PIH1D2: variants seen among roughly 807,000 people sequenced by gnomAD.
The protein encoded by PIH1D2 is PIH1 domain containing 2.
Under a neutral mutation model 31.2 loss-of-function variants are expected in PIH1D2, and 25 were observed. The observed-to-expected ratio is 0.80, with a 90% CI of 0.58 to 1.12. The LOEUF (loss-of-function observed/expected upper bound fraction) is 1.12. PIH1D2 is among the 50% of genes most tolerant of loss of function. The pLI is 0.00. For missense variants in PIH1D2, 310 were observed against 356.6 expected, an observed-to-expected ratio of 0.87 and a Z score of 1.05; for synonymous variants, 116 against 119.9, an observed-to-expected ratio of 0.97 and a Z score of 0.21.
downstream of PIH1D2, among the ~76,000 whole-genome samples, chr11:112,058,817 C>A (rs1309067459): frequency 6.6e-6 from 1 of 151,928 alleles, no homozygotes; most frequent in Admixed American, 6.6e-5. Flanking sequence ...AAAATGATAG[C>A]CATTATTAGA....
chr11:112,055,180 G>A, the PIH1D2 span, among the ~76,000 whole-genome samples: 1 of 151,526 alleles, frequency 6.6e-6, no homozygotes, highest in African/African-American at 2.4e-5. Context: ...TCTGGAGCCT[G>A]GCAGAAATGG....
At chr11:112,068,998 GTTT>G (rs1250203455) in intron 5 of PIH1D2, among the ~76,000 whole-genome samples, 1 of 79,346 alleles carries the variant, frequency 1.3e-5, no homozygotes. Context: ...TTTTTTTTTT[GTTT>G]TTTTTTTTTT....
chr11:112,066,570 G>A (rs1375112296), downstream of PIH1D2, among the ~76,000 whole-genome samples: 4 of 151,866 alleles, frequency 2.6e-5, no homozygotes, highest in African/African-American at 9.7e-5. Flanking sequence ...CCCAGGAGGT[G>A]GAGGTTTCAG....
Position 112,070,449 on chromosome 11 carries a change from A to C in PIH1D2, c.800T>G (p.Leu267Arg). ...TATTCAACTTACCTCAGAAACACTA[A>C]GGTCACAGAGAGAGACAGAATTAAT... ...PGINSVSLCD[L>R]SVSEDDLLIE... The change falls in exon 5 of 6, where the codon CTT becomes CGT. Residue 267 changes from leucine to arginine, a missense_variant. Leu to Arg is a moderately radical substitution (Grantham distance 102). Transcript: ENST00000280350. 6.2e-7 allele frequency: 1 copy of C among 1,613,896 alleles called. No individual in the cohort carries two copies. Among genetic ancestry groups the C allele is most frequent in the Non-Finnish European group, 8.5e-7 (1 of 1,179,846 alleles).
intron 4 of PIH1D2, 23 bp downstream of exon 4, chr11:112,071,015 T>G (rs924664435): frequency 6.2e-7 from 1 of 1,600,700 alleles, no homozygotes; most frequent in Non-Finnish European, 8.5e-7. Flanking sequence ...AGTTTAATTT[T>G]CCATTTACAA....
chr11:112,073,300 G>T, intron 1 of PIH1D2, 95 bp from the exon 2 acceptor site: 1 of 841,054 alleles, frequency 1.2e-6, no homozygotes, highest in Non-Finnish European at 1.8e-6. Flanking sequence ...AATTGTTTTG[G>T]TGAAGTTAGG....
At chr11:112,060,624 TTG>T (rs1160362957), downstream of PIH1D2, among the ~76,000 whole-genome samples, 2 of 151,586 alleles carry the variant, frequency 1.3e-5, no homozygotes, top group South Asian at 2.1e-4. Flanking sequence ...CTGACTAATT[TTG>T]TGTGTGTGTG....
downstream of PIH1D2, among the ~76,000 whole-genome samples, chr11:112,059,749 A>G (rs1249829012): frequency 1.3e-5 from 2 of 152,250 alleles, no homozygotes; most frequent in African/African-American, 4.8e-5. Flanking sequence ...AAATGTAAAA[A>G]TTAGGATAGA....
intron 2 of PIH1D2, 96 bp from the exon 3 acceptor site, chr11:112,071,854 G>C (rs1865128537): frequency 1.5e-6 from 2 of 1,346,696 alleles, no homozygotes; most frequent in Admixed American, 2.1e-5. Context: ...GCACTTTGGG[G>C]GTCCAAGGCG....
downstream of PIH1D2, among the ~76,000 whole-genome samples, chr11:112,059,634 C>A (rs1480291066): frequency 6.6e-6 from 1 of 152,138 alleles, no homozygotes; most frequent in Non-Finnish European, 1.5e-5. Flanking sequence ...TTCAAGTGAT[C>A]CGCCCACCTC....
At chr11:112,060,479 A>G (rs782358137), downstream of PIH1D2, among the ~76,000 whole-genome samples, 1 of 151,382 alleles carries the variant, frequency 6.6e-6, no homozygotes, top group East Asian at 1.9e-4. Flanking sequence ...TTTGAAACAG[A>G]GTCTCACTCT....
Position 112,070,517 on chromosome 11 carries a change from A to T in PIH1D2, c.732T>A (p.Ser244Arg). 6.2e-7 allele frequency: 1 copy of T among 1,614,080 alleles called. No homozygotes were observed. ...TCAACTCAATTTTCAGAGGTTTCTC[A>T]CTGTGATCATGCACAATTTTTAGTT... ...AYELKIVHDH[S>R]EKPLKIELKV... The change falls in exon 5 of 6, where the codon AGT becomes AGA. Residue 244 changes from serine (S) to arginine (R), a missense_variant. Ser to Arg is a moderately radical substitution (Grantham distance 110). Coordinates refer to ENST00000280350, the MANE Select transcript of PIH1D2 (RefSeq NM_138789.4).
downstream of PIH1D2, among the ~76,000 whole-genome samples, chr11:112,058,635 G>A (rs1441461259): frequency 1.4e-3 from 173 of 122,224 alleles, no homozygotes; most frequent in African/African-American, 5.0e-3. Flanking sequence ...TGGGGGGGGG[G>A]AATCACCTTT....
downstream of PIH1D2, chr11:112,067,677 A>AC: frequency 1.9e-5 from 1 of 52,230 alleles, no homozygotes; most frequent in African/African-American, 6.8e-5. Context: ...AAAAAAAAAA[A>AC]AAAAAAAAAT....
the PIH1D2 span, among the ~76,000 whole-genome samples, chr11:112,054,008 G>A: frequency 6.6e-6 from 1 of 151,816 alleles, no homozygotes; most frequent in African/African-American, 2.4e-5. Flanking sequence ...GCACAAATTT[G>A]GATTAAATCT....
chr11:112,071,510 G>T, intron 3 of PIH1D2, 125 bp downstream of exon 3: 1 of 1,330,068 alleles, frequency 7.5e-7, no homozygotes, highest in South Asian at 1.4e-5. Flanking sequence ...TTTGCATAAA[G>T]ATACACTAAT....
downstream of PIH1D2, among the ~76,000 whole-genome samples, chr11:112,060,476 C>T (rs1309425706): frequency 6.6e-6 from 1 of 151,232 alleles, no homozygotes; most frequent in South Asian, 2.1e-4. Context: ...TTTTTTGAAA[C>T]AGAGTCTCAC....
chr11:112,060,633 T>C (rs1192996914), downstream of PIH1D2, among the ~76,000 whole-genome samples: 1 of 151,946 alleles, frequency 6.6e-6, no homozygotes, highest in East Asian at 1.9e-4. Context: ...TTTGTGTGTG[T>C]GTGTATGTTT....
At chr11:112,055,196 T>TTAA in the PIH1D2 span, among the ~76,000 whole-genome samples, 45 of 151,984 alleles carry the variant, frequency 3.0e-4, no homozygotes, top group African/African-American at 9.9e-4. Flanking sequence ...AATGGCTTGC[T>TTAA]TAAGGCATTG....
Sources: allele counts gnomAD v4.1 joint callset (sites outside exome capture counted in the v4.1 genomes callset), GRCh38; gene constraint gnomAD v4.1.1; transcripts MANE v1.5; gene names NCBI Gene and HGNC (gene_info 2026-07-23, HGNC 2026-07-21).